MSI2: variants seen among roughly 807,000 people sequenced by gnomAD.
MSI2 encodes the protein musashi RNA binding protein 2.
A neutral mutation model predicts 45.6 loss-of-function variants in MSI2; 17 were observed. That is an observed-to-expected ratio of 0.37 (90% confidence interval 0.26 to 0.56). The LOEUF (loss-of-function observed/expected upper bound fraction) is 0.56. Ranked by LOEUF, MSI2 falls within the 20% of genes least tolerant of loss-of-function variation. MSI2 has a pLI of 0.77. For missense variants in MSI2, 293 were observed against 444.2 expected, an observed-to-expected ratio of 0.66 and a Z score of 3.06; for synonymous variants, 156 against 158.2, an observed-to-expected ratio of 0.99 and a Z score of 0.11.
chr17:57,360,178 G>C (rs540956421), intron 5 of MSI2, among the ~76,000 whole-genome samples: 1 of 152,202 alleles, frequency 6.6e-6, no homozygotes, highest in Non-Finnish European at 1.5e-5. Context: ...AGCAAGCCTG[G>C]GTCTTCCTTA....
rs1026666075 is a variant in MSI2, at chr17:57,587,874, C to T, written c.455-8994C>T. ...CAGGGGGAGAAATTAATTGACACGG[C>T]TTTAATATCATGATGTCTGGCGTGT... is the stretch of plus-strand genomic sequence containing the variant. On this transcript the variant is annotated intron_variant, in intron 7 of 13. Transcript: ENST00000284073. 1.1e-4 allele frequency among the ~76,000 whole-genome samples: 17 copies of T among 152,138 alleles called. 1 individual carries two copies. Among genetic ancestry groups the T allele is most frequent in the Non-Finnish European group, 1.6e-4 (11 of 68,028 alleles).
chr17:57,423,795 T>G (rs2084440381), intron 6 of MSI2, among the ~76,000 whole-genome samples: 1 of 152,218 alleles, frequency 6.6e-6, no homozygotes, highest in Non-Finnish European at 1.5e-5. Context: ...AAATGAGTTC[T>G]TTCTTTGCGA....
intron 7 of MSI2, among the ~76,000 whole-genome samples, chr17:57,564,051 C>T (rs146675385): frequency 1.7e-4 from 26 of 152,346 alleles, no homozygotes; most frequent in African/African-American, 5.5e-4. Context: ...GCCCCCTGCA[C>T]GTGTTTCTCT....
At chr17:57,620,854 A>G (rs1320464688) in intron 9 of MSI2, among the ~76,000 whole-genome samples, 1 of 152,218 alleles carries the variant, frequency 6.6e-6, no homozygotes, top group Non-Finnish European at 1.5e-5. Context: ...AGGTCCAGGC[A>G]GAAGGGATGA....
the MSI2 span, among the ~76,000 whole-genome samples, chr17:57,701,131 T>A: frequency 6.6e-6 from 1 of 151,844 alleles, no homozygotes; most frequent in Non-Finnish European, 1.5e-5. Context: ...CAGAGCTGGG[T>A]TTAGAAGGAA....
rs1320872335 is a variant in MSI2 at position 57,677,033 on chromosome 17, G to A, written c.*5G>A. On this transcript the variant is annotated 3_prime_UTR_variant, in exon 13 of 14. Transcript: ENST00000284073. ...TTTACAAATGGATACCATTGAGCAG[G>A]TGCTTTCGTTGCCATCTCACTCTGA... 1.9e-6 allele frequency: 3 copies of A among 1,613,714 alleles called. No homozygotes were observed. The highest frequency in any genetic ancestry group is 1.3e-5 in the African/African-American group (1 of 74,898).
rs532417562 is a variant in MSI2 at position 57,542,371 on chromosome 17, CTT to C, written c.454+12649_454+12650del. Among the ~76,000 whole-genome samples, 15 of 152,290 alleles carry C rather than the reference CTT, an allele frequency of 9.8e-5. No individual in the cohort carries two copies. The South Asian group carries it at 2.9e-3, about 29-fold the overall frequency. On this transcript the variant is annotated intron_variant, in intron 7 of 13. Transcript: ENST00000284073. Reference sequence around the variant, plus strand: ...AAGAGCTGCTTCACTCTGTGGCCGACTTTGATTTTCTCATGTAGAGACAGGGT... The same window carrying C: ...AAGAGCTGCTTCACTCTGTGGCCGACTGATTTTCTCATGTAGAGACAGGGT...
At chr17:57,350,759 T>A (rs1019489655) in intron 5 of MSI2, among the ~76,000 whole-genome samples, 1 of 152,210 alleles carries the variant, frequency 6.6e-6, no homozygotes. Context: ...CCTGCTAGGC[T>A]GTGCTCCTCT....
chr17:57,644,908 A>G (rs886104613), intron 10 of MSI2, among the ~76,000 whole-genome samples: 1 of 152,090 alleles, frequency 6.6e-6, no homozygotes, highest in Non-Finnish European at 1.5e-5. Context: ...TGACTCATCC[A>G]AGGTCACCAA....
chr17:57,572,686 C>T (rs747420658), intron 7 of MSI2, among the ~76,000 whole-genome samples: 3 of 152,200 alleles, frequency 2.0e-5, no homozygotes, highest in Non-Finnish European at 4.4e-5. Context: ...AAAGAGCCCT[C>T]CTTTCCCCAG....
intron 5 of MSI2, among the ~76,000 whole-genome samples, chr17:57,333,912 A>C (rs1489279404): frequency 6.6e-6 from 1 of 152,190 alleles, no homozygotes; most frequent in Non-Finnish European, 1.5e-5. Context: ...GGCCCAATCC[A>C]TCTGTGTGGT....
chr17:57,378,897 T>C (rs183872852), intron 5 of MSI2, among the ~76,000 whole-genome samples: 66 of 152,294 alleles, frequency 4.3e-4, no homozygotes, highest in African/African-American at 1.5e-3. Flanking sequence ...GAGTGGAAGC[T>C]GCATTCTTCT....
rs999234637 is a variant in MSI2 at position 57,583,684 on chromosome 17, G to T, written c.455-13184G>T. ...AGATGTGGTTTCACTGTGTTCCCCA[G>T]GCTGGTCTCAAACTTCTGAGCTAGA... On this transcript the variant is annotated intron_variant, in intron 7 of 13. Transcript: ENST00000284073. Among the ~76,000 whole-genome samples the T allele has an allele frequency of 2.0e-5, 3 of 152,176 alleles. No homozygotes were observed. In the South Asian group the frequency reaches 6.2e-4, roughly 32 times the overall value.
At chr17:57,302,329 C>T (rs1385388686) in intron 5 of MSI2, among the ~76,000 whole-genome samples, 1 of 152,130 alleles carries the variant, frequency 6.6e-6, no homozygotes, top group Non-Finnish European at 1.5e-5. Flanking sequence ...GGGCTGGACT[C>T]GAATTCCTGG....
chr17:57,684,517 A>C lies in MSI2; in HGVS notation c.*5000A>C, dbSNP rs1476657559. ...CTTTCTTAAAGCCCTGTTGTAAAAA[A>C]TTACTATGTGGATGGCAGTCTCTCA... On this transcript the variant is annotated 3_prime_UTR_variant, in exon 14 of 14. Coordinates refer to ENST00000284073, the MANE Select transcript of MSI2 (RefSeq NM_138962.4). 1 of 173,200 alleles carries C rather than the reference A, an allele frequency of 5.8e-6. No individual in the cohort carries two copies. The highest frequency in any genetic ancestry group is 1.2e-5 in the Non-Finnish European group (1 of 80,132). The allele number at this position is 173,200 out of a possible 1,614,324, so 10.7% of individuals were successfully genotyped here.
chr17:57,339,485 C>T (rs1457576952), intron 5 of MSI2, among the ~76,000 whole-genome samples: 2 of 152,106 alleles, frequency 1.3e-5, no homozygotes, highest in Non-Finnish European at 2.9e-5. Context: ...TTGGGCTGCT[C>T]CTCCCTCCCT....
At chr17:57,553,784 G>C (rs529888316) in intron 7 of MSI2, among the ~76,000 whole-genome samples, 26 of 152,324 alleles carry the variant, frequency 1.7e-4, no homozygotes, top group African/African-American at 6.0e-4. Context: ...GAGCAGTGTG[G>C]TCAGAGAGGC....
rs117372468 is a variant in MSI2 at position 57,650,065 on chromosome 17, G to A, written c.728-2034G>A. Among the ~76,000 whole-genome samples the A allele has an allele frequency of 9.9e-5, 15 of 152,274 alleles. No individual in the cohort carries two copies. The East Asian group carries it at 2.5e-3, about 25-fold the overall frequency. ...CCACCTCCAGCAGGAGCCTTTATTT[G>A]AGATTAAGGATAATGGATTTCCTTT... is the stretch of plus-strand genomic sequence containing the variant. On this transcript the variant is annotated intron_variant, in intron 10 of 13. Transcript: ENST00000284073.
At chr17:57,401,007 G>C (rs2083979161) in intron 5 of MSI2, among the ~76,000 whole-genome samples, 1 of 152,168 alleles carries the variant, frequency 6.6e-6, no homozygotes. Flanking sequence ...TTTGTGGATG[G>C]TTTCTGGGCA....
Sources: gnomAD v4.1 joint callset for allele counts (sites outside exome capture counted in the v4.1 genomes callset) on GRCh38, gnomAD v4.1.1 for gene constraint, MANE v1.5 for transcripts, NCBI Gene and HGNC (gene_info 2026-07-23, HGNC 2026-07-21) for gene names.